TTC34: variants seen among roughly 807,000 people sequenced by gnomAD.
TTC34 encodes the protein tetratricopeptide repeat protein 34.
A neutral mutation model predicts 40.7 loss-of-function variants in TTC34; 44 were observed. The observed-to-expected ratio is 1.08, with a 90% CI of 0.85 to 1.39. The LOEUF (loss-of-function observed/expected upper bound fraction) is 1.39. Among genes scored for constraint, TTC34 ranks in the 40% most tolerant of loss-of-function variants. TTC34 has a pLI of 0.00. For missense variants in TTC34, 884 were observed against 838.0 expected, an observed-to-expected ratio of 1.05 and a Z score of -0.68; for synonymous variants, 422 against 398.6, an observed-to-expected ratio of 1.06 and a Z score of -0.70.
At chr1:2,695,036 C>A (rs1640796862) in intron 6 of TTC34, among the ~76,000 whole-genome samples, 1 of 151,932 alleles carries the variant, frequency 6.6e-6, no homozygotes. Context: ...CCCTGCACCC[C>A]CAGGTGAGCA....
chr1:2,700,009 A>T (rs538590375), intron 6 of TTC34, among the ~76,000 whole-genome samples: 1 of 117,138 alleles, frequency 8.5e-6, no homozygotes, highest in South Asian at 2.6e-4. Context: ...AGCAGCGTCC[A>T]CACCCCCAGG....
At position 2,645,432 on chromosome 1, in the gene TTC34, C is replaced by T; in HGVS notation, c.2358G>A (p.Leu786=). The change falls in exon 7 of 9, where the codon CTG becomes CTA. Residue 786 remains leucine (L), a synonymous_variant. Transcript: ENST00000401095. This position sits in a 1 kb window ranked among gnomAD's most constrained non-coding sequence, Gnocchi z 4.7. ...GGGCCCCAGTGTCTGGCAGCTGGCT[C>T]AGAAGGGCCCGGCAGTGGGAGTAGA... The T allele has an allele frequency of 6.5e-7, 1 of 1,535,698 alleles. No individual in the cohort carries two copies. The highest frequency in any genetic ancestry group is 2.0e-5 in the Admixed American group (1 of 50,966).
At chr1:2,771,607 C>G (rs1171466595) in intron 6 of TTC34, among the ~76,000 whole-genome samples, 2 of 57,988 alleles carry the variant, frequency 3.4e-5, no homozygotes, top group African/African-American at 1.5e-4. Context: ...CCCACACCCC[C>G]AAGTGAGCAG....
At position 2,677,797 on chromosome 1, in the gene TTC34, ACATG is replaced by A. The variant is rs1639971038; in HGVS notation, c.2227-32238_2227-32235del. ...CCCCAGGTGAGCATCTGACCGCATCACATGGCATCCTCACACCCAGTTGCGCATC... is the reference window on the plus strand; with the variant it reads ...CCCCAGGTGAGCATCTGACCGCATCAGCATCCTCACACCCAGTTGCGCATC... On this transcript the variant is annotated intron_variant, in intron 6 of 8. Transcript: ENST00000401095. 1.3e-3 allele frequency among the ~76,000 whole-genome samples: 3 copies of A among 2,372 alleles called. 1 individual carries two copies. The highest frequency in any genetic ancestry group is 4.6e-3 in the Admixed American group (1 of 218). The allele number at this position is 2,372 out of a possible 152,430, so 1.6% of individuals were successfully genotyped here. A position where few individuals can be genotyped will look rare whatever the true frequency, so the allele number is the denominator to read the frequency against.
intron 6 of TTC34, among the ~76,000 whole-genome samples, chr1:2,692,108 C>A (rs1172675080): frequency 7.7e-6 from 1 of 129,174 alleles, no homozygotes; most frequent in Non-Finnish European, 1.7e-5. Context: ...CCCACACCCC[C>A]AGGCGAGCAT....
At chr1:2,643,657 G>GA in intron 8 of TTC34, among the ~76,000 whole-genome samples, 1 of 152,324 alleles carries the variant, frequency 6.6e-6, no homozygotes, top group South Asian at 2.1e-4. Flanking sequence ...CAGCTCGGGG[G>GA]GGGCAGCGGC....
At chr1:2,691,034 T>A (rs1640594827) in intron 6 of TTC34, among the ~76,000 whole-genome samples, 1 of 83,268 alleles carries the variant, frequency 1.2e-5, no homozygotes, top group African/African-American at 3.9e-5. Context: ...CAGGCGAGCA[T>A]CTGACAGCCT....
chr1:2,698,562 CCACACCCCCAGA>C (rs1640975611), intron 6 of TTC34, among the ~76,000 whole-genome samples: 1 of 113,514 alleles, frequency 8.8e-6, no homozygotes, highest in African/African-American at 3.5e-5. Flanking sequence ...GGAGCAGCAC[CCACACCCCCAGA>C]TGAGCATCTG....
intron 6 of TTC34, among the ~76,000 whole-genome samples, chr1:2,653,785 T>G (rs896990922): frequency 1.5e-4 from 22 of 151,526 alleles, no homozygotes; most frequent in African/African-American, 4.9e-4. Context: ...GGCGAGCATC[T>G]GACAGCCTGG....
intron 2 of TTC34, among the ~76,000 whole-genome samples, chr1:2,798,904 TCTCAGCCTCCAAGCCTCGCAGCCC>T: frequency 3.8e-5 from 3 of 78,722 alleles, no homozygotes; most frequent in Non-Finnish European, 7.6e-5. Context: ...CCTCCCAGCC[TCTCAGCCTCCAAGCCTCGCAGCCC>T]CCCAGCCTCC....
At chr1:2,785,688 C>G (rs958923910) in intron 5 of TTC34, 131 bp downstream of exon 5, 1 of 1,047,574 alleles carries the variant, frequency 9.5e-7, no homozygotes, top group African/African-American at 1.7e-5. Flanking sequence ...CCCTGTCCAA[C>G]CCGTGGGTGT....
chr1:2,789,490 G>T lies in TTC34; in HGVS notation c.1628+13C>A, dbSNP rs1362652093. ...GGAAGCAGCGGCCCCAGCGTGCCCG[G>T]GCGGGTCCTCACCCCTCCTGCGTGG... On this transcript the variant is annotated intron_variant, in intron 3 of 8. Transcript: ENST00000401095. The T allele has an allele frequency of 6.6e-7, 1 of 1,507,734 alleles. No homozygotes were observed. Among genetic ancestry groups the T allele is most frequent in the African/African-American group, 1.4e-5 (1 of 70,390 alleles). The allele number at this position is 1,507,734 out of a possible 1,614,324, so 93.4% of individuals were successfully genotyped here. A position where few individuals can be genotyped will look rare whatever the true frequency, so the allele number is the denominator to read the frequency against.
Position 2,645,407 on chromosome 1 carries a change from G to A in TTC34, c.2383C>T (p.Pro795Ser). The change falls in exon 7 of 9, where the codon CCT becomes TCT. Residue 795 changes from proline to serine, a missense_variant. Physicochemically the swap from Pro to Ser is moderately conservative, Grantham distance 74. Transcript: ENST00000401095. The surrounding 1 kb of genome is among the most constrained non-coding windows in gnomAD (Gnocchi z 4.7). ...CCCTGGGTGTCCTTGTCCTCGAGAG[G>A]GGCCCCAGTGTCTGGCAGCTGGCTC... 6.5e-7 allele frequency: 1 copy of A among 1,535,812 alleles called. No homozygotes were observed. Among genetic ancestry groups the A allele is most frequent in the Non-Finnish European group, 8.7e-7 (1 of 1,146,738 alleles).
intron 6 of TTC34, among the ~76,000 whole-genome samples, chr1:2,751,418 C>A (rs1281481162): frequency 0.012 from 1,395 of 111,884 alleles, 1 homozygote; most frequent in Admixed American, 0.019. Context: ...CACAGGTGGG[C>A]ATCTGACAGC....
At chr1:2,788,668 G>GT (rs1224843923) in intron 3 of TTC34, among the ~76,000 whole-genome samples, 1 of 152,208 alleles carries the variant, frequency 6.6e-6, no homozygotes, top group Non-Finnish European at 1.5e-5. Flanking sequence ...CCAGATTGTG[G>GT]TGGGAGGAGG....
chr1:2,687,591 G>A (rs1318942301), intron 6 of TTC34, among the ~76,000 whole-genome samples: 1 of 150,120 alleles, frequency 6.7e-6, no homozygotes. Flanking sequence ...CTGACAGCCT[G>A]GAACAGCACC....
chr1:2,785,986 C>G (rs769709737), exon 5 of TTC34: 2 of 1,498,184 alleles, frequency 1.3e-6, no homozygotes, highest in African/African-American at 2.8e-5. Context: ...GGGCTGGAGG[C>G]AGGCGGTGTC....
intron 6 of TTC34, among the ~76,000 whole-genome samples, chr1:2,756,666 C>CA (rs1641516542): frequency 1.2e-4 from 2 of 16,988 alleles, no homozygotes; most frequent in East Asian, 1.7e-3. Context: ...AGCACCCACA[C>CA]CCCCAGGTGA....
chr1:2,676,961 C>A (rs1307039225), intron 6 of TTC34, among the ~76,000 whole-genome samples: 2 of 145,972 alleles, frequency 1.4e-5, no homozygotes, highest in African/African-American at 2.6e-5. Context: ...TGGAACAGCA[C>A]CCTGCACCCC....
Sources: gnomAD v4.1 joint callset for allele counts (sites outside exome capture counted in the v4.1 genomes callset) on GRCh38, gnomAD v4.1.1 for gene constraint, Gnocchi (gnomAD v3.1) non-coding constraint, MANE v1.5 for transcripts, NCBI Gene and HGNC (gene_info 2026-07-23, HGNC 2026-07-21) for gene names.